Variants in AFAP1L2 observed in about 807,000 individuals in gnomAD.
AFAP1L2 encodes the protein actin filament associated protein 1 like 2.
AFAP1L2 carries 46 observed loss-of-function variants against 99.3 expected under a neutral mutation model. The ratio of observed to expected loss-of-function variants is 0.46; its 90% CI spans 0.37 to 0.59. The LOEUF is 0.59. Ranked by LOEUF, AFAP1L2 falls within the 20% of genes least tolerant of loss-of-function variation. The pLI, the probability that AFAP1L2 is intolerant of heterozygous loss-of-function variation, is 0.00. For synonymous variants in AFAP1L2, 397 were observed against 419.1 expected, an observed-to-expected ratio of 0.95 and a Z score of 0.64; for missense variants, 959 against 1,034.9, an observed-to-expected ratio of 0.93 and a Z score of 1.01.
intron 18 of AFAP1L2, 74 bp downstream of exon 18, chr10:114,296,904 C>G (rs773118810): frequency 2.3e-5 from 37 of 1,611,110 alleles, no homozygotes; most frequent in Non-Finnish European, 3.1e-5. Flanking sequence ...AAAGCACCAC[C>G]TGGGTCAGAA....
Position 114,302,636 on chromosome 10 carries a change from C to G in AFAP1L2, c.1285-152G>C, listed in dbSNP as rs2041411878. On this transcript the variant is annotated intron_variant, in intron 11 of 18. Transcript: ENST00000304129. ...GGGCTGTGCTTCTCCTGTTCACCAG[C>G]CTATCCCACCCCCCAGTGGCCCCAG... 3.5e-6 allele frequency: 3 copies of G among 858,772 alleles called. No individual in the cohort carries two copies. In the Admixed American group the frequency reaches 8.4e-5, roughly 24 times the overall value. 53.2% of individuals were successfully genotyped at this position (858,772 alleles called of 1,614,324 possible). A position where few individuals can be genotyped will look rare whatever the true frequency, so the allele number is the denominator to read the frequency against.
At chr10:114,297,619 T>C (rs2040465166) in intron 16 of AFAP1L2, among the ~76,000 whole-genome samples, 1 of 152,082 alleles carries the variant, frequency 6.6e-6, no homozygotes, top group African/African-American at 2.4e-5. Context: ...GGGAGGCTCT[T>C]GGGGAGGAGA....
rs148962632 is a variant in AFAP1L2, at chr10:114,327,173, ATTT to A, written c.316-3915_316-3913del. ...TATATATATATATATATATATATAT[ATTT>A]TTTTTTTAGGCAGAGTCTCACTGTG... On this transcript the variant is annotated intron_variant, in intron 4 of 18. Coordinates refer to ENST00000304129, the MANE Select transcript of AFAP1L2 (RefSeq NM_001001936.3). Among the ~76,000 whole-genome samples, 6 of 18,692 alleles carry A rather than the reference ATTT, an allele frequency of 3.2e-4. 1 individual carries two copies. The highest frequency in any genetic ancestry group is 6.9e-4 in the African/African-American group (6 of 8,730). The allele number at this position is 18,692 out of a possible 152,430, so 12.3% of individuals were successfully genotyped here.
intron 2 of AFAP1L2, 82 bp downstream of exon 2, chr10:114,340,521 C>G: frequency 6.7e-7 from 1 of 1,501,696 alleles, no homozygotes; most frequent in Non-Finnish European, 9.0e-7. Flanking sequence ...AGCCTGTGAT[C>G]CTTAGCTATG....
chr10:114,317,368 C>G (rs901997994), intron 5 of AFAP1L2, among the ~76,000 whole-genome samples: 3 of 152,096 alleles, frequency 2.0e-5, no homozygotes, highest in African/African-American at 7.2e-5. Context: ...ATAATTTATA[C>G]CTATTAAATA....
At chr10:114,328,727 C>T (rs1171767506) in intron 4 of AFAP1L2, among the ~76,000 whole-genome samples, 1 of 152,236 alleles carries the variant, frequency 6.6e-6, no homozygotes, top group Non-Finnish European at 1.5e-5. Flanking sequence ...TCCACCCTGA[C>T]GCTGCTCCTC....
chr10:114,326,574 A>G (rs117799365), intron 4 of AFAP1L2, among the ~76,000 whole-genome samples: 1 of 152,080 alleles, frequency 6.6e-6, no homozygotes, highest in Non-Finnish European at 1.5e-5. Context: ...CTCTCTACTT[A>G]TATTTATTTT....
At chr10:114,337,201 C>T (rs1191672254) in intron 2 of AFAP1L2, among the ~76,000 whole-genome samples, 2 of 152,258 alleles carry the variant, frequency 1.3e-5, no homozygotes, top group Non-Finnish European at 2.9e-5. Context: ...TCCACCTGTC[C>T]AGGCCCAAGC....
intron 2 of AFAP1L2, among the ~76,000 whole-genome samples, chr10:114,337,338 C>A (rs1050972213): frequency 1.3e-5 from 2 of 152,242 alleles, no homozygotes; most frequent in Non-Finnish European, 2.9e-5. Context: ...TCATTTACTG[C>A]ATTAAGTACA....
chr10:114,352,479 T>TAAAAAAAAAAAAAAAAAAAAAAAA (rs766929781), intron 1 of AFAP1L2, among the ~76,000 whole-genome samples: 1 of 71,390 alleles, frequency 1.4e-5, no homozygotes, highest in African/African-American at 5.5e-5. Context: ...GTCTCCAAAT[T>TAAAAAAAAAAAAAAAAAAAAAAAA]AAAAAAAAAA....
intron 7 of AFAP1L2, 46 bp from the exon 8 acceptor site, chr10:114,310,489 C>T (rs754460292): frequency 1.0e-5 from 16 of 1,553,178 alleles, no homozygotes; most frequent in South Asian, 9.4e-5. Context: ...GTCCTCTGGC[C>T]AGCACTCACA....
At chr10:114,313,399 C>T (rs960402536) in intron 7 of AFAP1L2, among the ~76,000 whole-genome samples, 1 of 151,786 alleles carries the variant, frequency 6.6e-6, no homozygotes, top group African/African-American at 2.4e-5. Flanking sequence ...AGACGGGCCT[C>T]GGTCTGAGAA....
At chr10:114,340,001 A>C (rs2048556946) in intron 2 of AFAP1L2, among the ~76,000 whole-genome samples, 1 of 101,098 alleles carries the variant, frequency 9.9e-6, no homozygotes, top group Admixed American at 1.2e-4. Flanking sequence ...ACAGAGCAAG[A>C]CCCCGTCTCA....
chr10:114,290,461 T>C, downstream of AFAP1L2: 1 of 1,488,278 alleles, frequency 6.7e-7, no homozygotes, highest in Non-Finnish European at 9.1e-7. Context: ...TTCTAAAACA[T>C]TCGTTCAGTG....
chr10:114,285,240 C>T, the AFAP1L2 span, among the ~76,000 whole-genome samples: 1 of 152,174 alleles, frequency 6.6e-6, no homozygotes, highest in Non-Finnish European at 1.5e-5. Context: ...TGCTGCCCAG[C>T]CCAGCTGAAG....
In AFAP1L2 at chr10:114,319,765, TC is replaced by T. The variant is rs1165020197; in HGVS notation, c.406+3405del. On this transcript the variant is annotated intron_variant, in intron 5 of 18. Coordinates refer to ENST00000304129, the MANE Select transcript of AFAP1L2 (RefSeq NM_001001936.3). The stretch of plus-strand genomic sequence containing the variant: ...CCAGATGTGGCAACTCGGCTGCCAG[TC>T]CACCAGAGGTTAGTGCTTGCCCATC... 16 of 603,140 alleles carry T rather than the reference TC, an allele frequency of 2.7e-5. No individual in the cohort carries two copies. In the Admixed American group the frequency reaches 3.8e-4, roughly 14 times the overall value. The allele number at this position is 603,140 out of a possible 1,614,324, so 37.4% of individuals were successfully genotyped here. A position where few individuals can be genotyped will look rare whatever the true frequency, so the allele number is the denominator to read the frequency against.
At chr10:114,389,788 T>C (rs1035851979) in intron 1 of AFAP1L2, among the ~76,000 whole-genome samples, 2 of 152,216 alleles carry the variant, frequency 1.3e-5, no homozygotes, top group South Asian at 2.1e-4. Context: ...CACAGCTTCA[T>C]GAGAACTTCT....
chr10:114,282,719 G>T, the AFAP1L2 span: 1 of 675,024 alleles, frequency 1.5e-6, no homozygotes, highest in Non-Finnish European at 2.7e-6. Context: ...GCAGAGGAGA[G>T]TGTGCTCTTG....
Position 114,302,404 on chromosome 10 carries a change from G to A in AFAP1L2, c.1365C>T (p.Phe455=). 6.2e-7 allele frequency: 1 copy of A among 1,614,162 alleles called. No individual in the cohort carries two copies. Among genetic ancestry groups the A allele is most frequent in the Non-Finnish European group, 8.5e-7 (1 of 1,180,018 alleles). ...TATCGGCATCCACATAGTCGTAGGT[G>A]AACTCTTCTGGGTCTGTCTTGGAGC... The part of the protein sequence containing the change: ...ESGSKTDPEE[F]TYDYVDADRV... Residue 455 remains phenylalanine, a synonymous_variant, in exon 12 of 19, where the codon TTC becomes TTT. Transcript: ENST00000304129.
Sources: allele counts gnomAD v4.1 joint callset (sites outside exome capture counted in the v4.1 genomes callset), GRCh38; gene constraint gnomAD v4.1.1; transcripts MANE v1.5; gene names NCBI Gene and HGNC (gene_info 2026-07-23, HGNC 2026-07-21).